The following TESK2 variants were observed in gnomAD, a reference collection of about 807,000 sequenced individuals.
TESK2 encodes the protein dual specificity testis-specific protein kinase 2.
A neutral mutation model predicts 57.1 loss-of-function variants in TESK2; 39 were observed. The observed-to-expected ratio is 0.68, with a 90% CI of 0.53 to 0.89. TESK2 has a LOEUF of 0.89. Among genes scored for constraint, TESK2 ranks in the 40% least tolerant of loss-of-function variants. The pLI is 0.00. For missense variants in TESK2, 646 were observed against 732.1 expected (o/e 0.88, Z 1.36); for synonymous variants, 249 against 267.9 (o/e 0.93, Z 0.69).
chr1:45,419,103 G>A (rs892362263), intron 3 of TESK2, among the ~76,000 whole-genome samples: 55 of 151,330 alleles, frequency 3.6e-4, no homozygotes, highest in African/African-American at 1.3e-3. Context: ...TCAGCCTCCC[G>A]AGTAGCTGGG....
chr1:45,440,727 AC>A (rs574587214), intron 2 of TESK2, among the ~76,000 whole-genome samples: 3 of 151,436 alleles, frequency 2.0e-5, no homozygotes, highest in African/African-American at 7.3e-5. Context: ...AAAAAAAAAA[AC>A]AAACAAACAA....
chr1:45,470,177 C>T lies in TESK2; in HGVS notation c.-86-12306G>A, dbSNP rs12039259. ...TTTCTATAATCATAAAAAGTCCCCA[C>T]CTAATCCAGAATAAATTAAGGATTC... On this transcript the variant is annotated intron_variant, in intron 1 of 10. Transcript: ENST00000372086. Among the ~76,000 whole-genome samples the T allele has an allele frequency of 9.8e-4, 149 of 152,304 alleles. No homozygotes were observed. In the East Asian group the frequency reaches 0.027, roughly 28 times the overall value.
chr1:45,489,650 C>T (rs1188092985), intron 1 of TESK2, among the ~76,000 whole-genome samples: 2 of 152,248 alleles, frequency 1.3e-5, no homozygotes, highest in East Asian at 1.9e-4. Context: ...ATTAGCCGGA[C>T]GTGGTGGCGC....
intron 2 of TESK2, among the ~76,000 whole-genome samples, chr1:45,427,930 G>A (rs1333384742): frequency 6.6e-6 from 1 of 152,094 alleles, no homozygotes; most frequent in Non-Finnish European, 1.5e-5. Context: ...ACAAAGAAAT[G>A]ATAAATGCTT....
chr1:45,466,476 A>AAAAAAC lies in TESK2; in HGVS notation c.-86-8611_-86-8606dup, dbSNP rs1284920550. Among the ~76,000 whole-genome samples, 218 of 151,658 alleles carry AAAAAAC rather than the reference A, an allele frequency of 1.4e-3. 1 individual carries two copies. The highest frequency in any genetic ancestry group is 5.1e-3 in the African/African-American group (212 of 41,348). ...GCAACAGAGCAAGACTCCGTCTCAAAAAAAACAAAAACAAAAACAAAAATT... is the reference window on the plus strand; with the variant it reads ...GCAACAGAGCAAGACTCCGTCTCAAAAAAAACAAAAACAAAAACAAAAACAAAAATT... On this transcript the variant is annotated intron_variant, in intron 1 of 10. Transcript: ENST00000372086.
At chr1:45,460,571 G>T (rs11211114) in intron 1 of TESK2, among the ~76,000 whole-genome samples, 42 of 151,926 alleles carry the variant, frequency 2.8e-4, no homozygotes, top group African/African-American at 1.0e-3. Flanking sequence ...GTCGGGTGCA[G>T]GGGCTCATTC....
At chr1:45,351,447 G>A (rs756364284) in intron 5 of TESK2, among the ~76,000 whole-genome samples, 10 of 152,196 alleles carry the variant, frequency 6.6e-5, no homozygotes, top group Non-Finnish European at 1.3e-4. Context: ...CAGTAGCTGC[G>A]GACATGAGTC....
chr1:45,453,341 CA>C (rs560016914), intron 2 of TESK2, among the ~76,000 whole-genome samples: 6,015 of 52,512 alleles, frequency 0.11, 340 homozygotes, highest in African/African-American at 0.31. Flanking sequence ...GACCCTGTCT[CA>C]AAAAAAAAAA....
chr1:45,434,284 C>T (rs1003592450), intron 2 of TESK2, among the ~76,000 whole-genome samples: 19 of 151,320 alleles, frequency 1.3e-4, no homozygotes, highest in African/African-American at 4.4e-4. Context: ...CACTGGCCAC[C>T]GTGCCTGGCC....
chr1:45,368,170 A>G (rs1436399198), intron 4 of TESK2, among the ~76,000 whole-genome samples: 1 of 127,016 alleles, frequency 7.9e-6, no homozygotes, highest in African/African-American at 3.0e-5. Context: ...AATTTTTTGT[A>G]TATTTAATAG....
intron 2 of TESK2, among the ~76,000 whole-genome samples, chr1:45,422,240 C>T (rs775251392): frequency 2.0e-5 from 3 of 152,060 alleles, no homozygotes; most frequent in Non-Finnish European, 4.4e-5. Flanking sequence ...AACACATGGA[C>T]ACAGAGAGGG....
chr1:45,405,788 T>C (rs908533848), intron 3 of TESK2, among the ~76,000 whole-genome samples: 2 of 151,792 alleles, frequency 1.3e-5, no homozygotes, highest in Non-Finnish European at 2.9e-5. Flanking sequence ...GGAGGATGAT[T>C]TTAGCCCAGC....
At chr1:45,486,369 G>T (rs1653474887) in intron 1 of TESK2, among the ~76,000 whole-genome samples, 1 of 152,140 alleles carries the variant, frequency 6.6e-6, no homozygotes, top group Non-Finnish European at 1.5e-5. Context: ...CTTTCATACA[G>T]GGAAGAAAGC....
chr1:45,482,720 C>A (rs1653280101), intron 1 of TESK2, among the ~76,000 whole-genome samples: 1 of 150,932 alleles, frequency 6.6e-6, no homozygotes, highest in Non-Finnish European at 1.5e-5. Context: ...TTGCTCACAC[C>A]TGTAATCCAG....
intron 5 of TESK2, among the ~76,000 whole-genome samples, chr1:45,352,597 C>T (rs1194051995): frequency 6.6e-6 from 1 of 152,180 alleles, no homozygotes; most frequent in Non-Finnish European, 1.5e-5. Flanking sequence ...AACTTGTCGT[C>T]TATGTAGCTA....
At chr1:45,463,535 T>A (rs1305026793) in intron 1 of TESK2, among the ~76,000 whole-genome samples, 1 of 152,102 alleles carries the variant, frequency 6.6e-6, no homozygotes, top group African/African-American at 2.4e-5. Context: ...GTATATGGAT[T>A]TATTTCTGGG....
intron 2 of TESK2, among the ~76,000 whole-genome samples, chr1:45,428,050 A>C (rs1650776775): frequency 6.6e-6 from 1 of 152,218 alleles, no homozygotes; most frequent in Admixed American, 6.5e-5. Flanking sequence ...CCATAAAAAT[A>C]AAAGTTTAAA....
At chr1:45,429,886 A>C (rs1326228149) in intron 2 of TESK2, among the ~76,000 whole-genome samples, 5 of 152,192 alleles carry the variant, frequency 3.3e-5, no homozygotes, top group Non-Finnish European at 5.9e-5. Context: ...TTGCATTATA[A>C]GAACTTTGAA....
In TESK2 at chr1:45,344,818, G is replaced by T; in HGVS notation, c.*22C>A. On this transcript the variant is annotated 3_prime_UTR_variant, in exon 11 of 11. Transcript: ENST00000372086. ...TTTCAGCTGAAGGTCCATCCCCAAG[G>T]TGAGGCAGGGACTAAACCCCCTCAC... 1 of 1,592,332 alleles carries T rather than the reference G, an allele frequency of 6.3e-7. No individual in the cohort carries two copies. Among genetic ancestry groups the T allele is most frequent in the South Asian group, 1.1e-5 (1 of 88,920 alleles).
Sources: allele counts gnomAD v4.1 joint callset (sites outside exome capture counted in the v4.1 genomes callset), GRCh38; gene constraint gnomAD v4.1.1; transcripts MANE v1.5; gene names NCBI Gene and HGNC (gene_info 2026-07-23, HGNC 2026-07-21).